The following ART3 variants were observed in gnomAD, a reference collection of about 807,000 sequenced individuals.
The protein encoded by ART3 is ADP-ribosyltransferase 3 (inactive), also known as ecto-ADP-ribosyltransferase 3.
In ART3, 49 loss-of-function variants were observed where a neutral mutation model predicts 48.5. That is an observed-to-expected ratio of 1.01 (90% confidence interval 0.80 to 1.28). The LOEUF (loss-of-function observed/expected upper bound fraction) is 1.28, where lower values mean the gene tolerates loss of function less well. ART3 is among the 50% of genes most tolerant of loss of function. The pLI is 0.00. For synonymous variants in ART3, 145 were observed against 157.2 expected, an observed-to-expected ratio of 0.92 and a Z score of 0.58; for missense variants, 438 against 454.3, an observed-to-expected ratio of 0.96 and a Z score of 0.33.
chr4:76,090,676 A>T (rs1724679533), intron 3 of ART3, among the ~76,000 whole-genome samples: 2 of 152,204 alleles, frequency 1.3e-5, no homozygotes, highest in African/African-American at 4.8e-5. Flanking sequence ...TAGAGACCAG[A>T]TCCAAAACCT....
intron 4 of ART3, among the ~76,000 whole-genome samples, chr4:76,098,350 T>G (rs910601842): frequency 6.6e-6 from 1 of 152,192 alleles, no homozygotes; most frequent in Non-Finnish European, 1.5e-5. Context: ...GATTAAGACA[T>G]GCTCTGGGTG....
chr4:76,112,519 G>A lies in ART3; in HGVS notation c.1170G>A (p.Ter390=). The A allele has an allele frequency of 2.5e-6, 4 of 1,610,870 alleles. No individual in the cohort carries two copies. The highest frequency in any genetic ancestry group is 3.4e-6 in the Non-Finnish European group (4 of 1,178,390). The change falls in exon 12 of 12, where the codon TAG becomes TAA. Residue 390 remains the stop codon, a stop_retained_variant. Coordinates refer to ENST00000355810, the MANE Select transcript of ART3 (RefSeq NM_001130016.3). ...CTATAAATCTCTTTGTTGCTCTGTAGTTTGATGCATTGTTTATCTTTCTTA... is the reference window on the plus strand; with the variant it reads ...CTATAAATCTCTTTGTTGCTCTGTAATTTGATGCATTGTTTATCTTTCTTA... ...VSAINLFVAL[*]
At chr4:76,085,969 G>A (rs78423393) in intron 3 of ART3, among the ~76,000 whole-genome samples, 21,543 of 151,974 alleles carry the variant, frequency 0.14, 2,236 homozygotes, top group African/African-American at 0.28. Flanking sequence ...CTACTTAGGA[G>A]GCTGAGACAG....
intron 1 of ART3, among the ~76,000 whole-genome samples, chr4:76,014,204 TC>T (rs1280267662): frequency 2.6e-5 from 4 of 152,054 alleles, no homozygotes; most frequent in African/African-American, 9.7e-5. Flanking sequence ...TAAGGTGAGG[TC>T]CCTGAGGAAG....
chr4:76,105,996 G>C (rs1316442710), intron 10 of ART3: 2 of 985,318 alleles, frequency 2.0e-6, no homozygotes, highest in Admixed American at 6.1e-5. Flanking sequence ...TGGGACTACA[G>C]TGTATTGTGC....
chr4:76,080,911 C>T (rs138001915), intron 2 of ART3, among the ~76,000 whole-genome samples: 202 of 152,252 alleles, frequency 1.3e-3, no homozygotes, highest in Non-Finnish European at 2.0e-3. Flanking sequence ...CTCTGATCTG[C>T]CTGGCTTCAA....
At chr4:76,051,994 C>A (rs541422218) in intron 1 of ART3, among the ~76,000 whole-genome samples, 10 of 151,290 alleles carry the variant, frequency 6.6e-5, no homozygotes, top group African/African-American at 1.9e-4. Flanking sequence ...CTGCAACCTC[C>A]GCCCCTGAGT....
chr4:76,061,982 A>C (rs1399463783), intron 1 of ART3, among the ~76,000 whole-genome samples: 1 of 152,252 alleles, frequency 6.6e-6, no homozygotes, highest in Non-Finnish European at 1.5e-5. Context: ...TGTTTCTGGA[A>C]TAGTTTGAGG....
At chr4:76,042,580 G>A (rs1418722639) in intron 1 of ART3, among the ~76,000 whole-genome samples, 1 of 152,110 alleles carries the variant, frequency 6.6e-6, no homozygotes, top group Non-Finnish European at 1.5e-5. Flanking sequence ...CAAGAATGAA[G>A]CCACGGACCC....
intron 1 of ART3, among the ~76,000 whole-genome samples, chr4:76,015,536 A>G (rs927183208): frequency 6.6e-6 from 1 of 152,256 alleles, no homozygotes; most frequent in Non-Finnish European, 1.5e-5. Context: ...AAAAAATTCA[A>G]TAGCTGAAAG....
intron 1 of ART3, among the ~76,000 whole-genome samples, chr4:76,045,399 T>C (rs967783063): frequency 6.6e-6 from 1 of 152,042 alleles, no homozygotes; most frequent in African/African-American, 2.4e-5. Context: ...TAAACTTCCT[T>C]TGGCACCTAG....
chr4:76,012,904 C>G (rs1201496809), intron 1 of ART3, among the ~76,000 whole-genome samples: 1 of 152,124 alleles, frequency 6.6e-6, no homozygotes, highest in Non-Finnish European at 1.5e-5. Context: ...AGTAATTTTA[C>G]AAGAAAAAAT....
chr4:76,047,366 G>A (rs1255734362), intron 1 of ART3, among the ~76,000 whole-genome samples: 1 of 151,834 alleles, frequency 6.6e-6, no homozygotes, highest in Non-Finnish European at 1.5e-5. Flanking sequence ...GTTTAATAAT[G>A]CCTCTTGATT....
At chr4:76,086,196 A>T (rs1723539243) in intron 3 of ART3, among the ~76,000 whole-genome samples, 1 of 152,126 alleles carries the variant, frequency 6.6e-6, no homozygotes. Context: ...CTGCAGCATT[A>T]TTCACGGTAA....
At chr4:76,047,879 T>G (rs188009354) in intron 1 of ART3, among the ~76,000 whole-genome samples, 1 of 152,084 alleles carries the variant, frequency 6.6e-6, no homozygotes, top group East Asian at 1.9e-4. Context: ...CTGTAGGACA[T>G]CTATGTAGGT....
intron 1 of ART3, chr4:76,021,910 G>T: frequency 1.9e-6 from 3 of 1,609,092 alleles, no homozygotes; most frequent in Non-Finnish European, 2.6e-6. Context: ...GCACTGCATC[G>T]ATTTTGCTCC....
intron 1 of ART3, among the ~76,000 whole-genome samples, chr4:76,065,975 T>A (rs1578389369): frequency 6.6e-6 from 1 of 151,966 alleles, no homozygotes; most frequent in East Asian, 1.9e-4. Context: ...AGGATAAAGG[T>A]GAAAGAAATA....
chr4:76,087,075 C>T (rs956778786), intron 3 of ART3, among the ~76,000 whole-genome samples: 3 of 152,258 alleles, frequency 2.0e-5, no homozygotes, highest in Non-Finnish European at 2.9e-5. Flanking sequence ...TTTGTGGAAC[C>T]GTTAGTTATA....
rs890098679 is a variant in ART3, at chr4:76,104,538, T to C, written c.971-59T>C. On this transcript the variant is annotated intron_variant, in intron 9 of 11. Transcript: ENST00000355810. Reference sequence around the variant, plus strand: ...TCTCTTAAGCTCAGCAGACAAGAGTTTGAAAATTATACTCAGTGGAGCAAA... The same window carrying C: ...TCTCTTAAGCTCAGCAGACAAGAGTCTGAAAATTATACTCAGTGGAGCAAA... 3.0e-5 allele frequency: 46 copies of C among 1,550,762 alleles called. No individual in the cohort carries two copies. In the Middle Eastern group the frequency reaches 8.3e-4, roughly 28 times the overall value.
Sources: gnomAD v4.1 joint callset for allele counts (sites outside exome capture counted in the v4.1 genomes callset) on GRCh38, gnomAD v4.1.1 for gene constraint, MANE v1.5 for transcripts, NCBI Gene and HGNC (gene_info 2026-07-23, HGNC 2026-07-21) for gene names.